NKAIN2: variants seen among roughly 807,000 people sequenced by gnomAD.
The protein encoded by NKAIN2 is sodium/potassium transporting ATPase interacting 2.
NKAIN2 carries 14 observed loss-of-function variants against 32.6 expected under a neutral mutation model. That is an observed-to-expected ratio of 0.43 (90% CI 0.28 to 0.67). The LOEUF (loss-of-function observed/expected upper bound fraction) is 0.67. Ranked by LOEUF, NKAIN2 falls within the 30% of genes least tolerant of loss-of-function variation. The probability of loss-of-function intolerance (pLI) is 0.17; values close to 1 mark genes in which losing one functional copy is unlikely to be tolerated. For missense variants in NKAIN2, 198 were observed against 258.3 expected, an observed-to-expected ratio of 0.77 and a Z score of 1.60; for synonymous variants, 80 against 87.2, an observed-to-expected ratio of 0.92 and a Z score of 0.46.
chr6:124,778,375 A>G (rs533007405), intron 4 of NKAIN2, among the ~76,000 whole-genome samples: 1 of 151,686 alleles, frequency 6.6e-6, no homozygotes, highest in South Asian at 2.1e-4. Flanking sequence ...AAAGCCCTGC[A>G]TAGGGGACAA....
intron 3 of NKAIN2, among the ~76,000 whole-genome samples, chr6:124,455,968 A>C (rs903044214): frequency 3.3e-5 from 5 of 151,764 alleles, no homozygotes; most frequent in African/African-American, 9.7e-5. Context: ...AGGAGTCACT[A>C]TTTTTTTCAG....
At chr6:123,821,170 G>T (rs1456889105) in intron 1 of NKAIN2, among the ~76,000 whole-genome samples, 1 of 152,234 alleles carries the variant, frequency 6.6e-6, no homozygotes, top group African/African-American at 2.4e-5. Context: ...TATAAAAAAC[G>T]CTGACCTGAA....
chr6:123,874,751 AAT>A (rs1225057635), intron 1 of NKAIN2, among the ~76,000 whole-genome samples: 2 of 152,178 alleles, frequency 1.3e-5, no homozygotes, highest in Non-Finnish European at 2.9e-5. Context: ...TGATTATAAA[AAT>A]ATGTCTATTG....
At chr6:124,599,841 G>C (rs1289234042) in intron 3 of NKAIN2, among the ~76,000 whole-genome samples, 1 of 152,058 alleles carries the variant, frequency 6.6e-6, no homozygotes, top group Non-Finnish European at 1.5e-5. Context: ...TGACATCCCT[G>C]GGGTATGATG....
chr6:124,743,498 T>A (rs1419857485), intron 4 of NKAIN2, among the ~76,000 whole-genome samples: 1 of 151,846 alleles, frequency 6.6e-6, no homozygotes, highest in Non-Finnish European at 1.5e-5. Flanking sequence ...AGCTTTGGTC[T>A]TTGTCAATGA....
intron 1 of NKAIN2, among the ~76,000 whole-genome samples, chr6:124,022,999 T>A (rs1209224593): frequency 6.6e-6 from 1 of 151,906 alleles, no homozygotes. Flanking sequence ...AGTTCTAAAC[T>A]TTTCGGTTAA....
chr6:124,757,516 G>A (rs1778021928), intron 4 of NKAIN2, among the ~76,000 whole-genome samples: 1 of 152,086 alleles, frequency 6.6e-6, no homozygotes, highest in Non-Finnish European at 1.5e-5. Flanking sequence ...CTGCACTTAT[G>A]AAGTTGTGGT....
intron 1 of NKAIN2, among the ~76,000 whole-genome samples, chr6:123,855,390 T>A (rs1353860293): frequency 6.6e-6 from 1 of 152,216 alleles, no homozygotes; most frequent in African/African-American, 2.4e-5. Flanking sequence ...TTCCCACTGA[T>A]TCCGGAAACT....
chr6:124,822,992 A>G (rs942340447), intron 6 of NKAIN2, among the ~76,000 whole-genome samples: 32 of 152,206 alleles, frequency 2.1e-4, no homozygotes, highest in Admixed American at 2.0e-3. Context: ...TATTCATTTC[A>G]GTTGTCCCTG....
intron 1 of NKAIN2, among the ~76,000 whole-genome samples, chr6:124,042,419 G>A (rs542178312): frequency 6.6e-6 from 1 of 152,220 alleles, no homozygotes; most frequent in East Asian, 1.9e-4. Flanking sequence ...GGTCCAGCCA[G>A]TAGCTGCCAA....
intron 4 of NKAIN2, among the ~76,000 whole-genome samples, chr6:124,692,031 G>A (rs1289402490): frequency 5.3e-5 from 8 of 151,998 alleles, no homozygotes; most frequent in Non-Finnish European, 1.2e-4. Context: ...TGCGATATTC[G>A]AATAAAACTG....
intron 4 of NKAIN2, among the ~76,000 whole-genome samples, chr6:124,674,379 T>C (rs1314646541): frequency 1.3e-5 from 2 of 152,156 alleles, no homozygotes; most frequent in Admixed American, 1.3e-4. Context: ...AGAATATTTT[T>C]TCTATTTCTG....
chr6:124,218,295 AAAT>A (rs1172433496), intron 1 of NKAIN2, among the ~76,000 whole-genome samples: 1 of 152,188 alleles, frequency 6.6e-6, no homozygotes, highest in Non-Finnish European at 1.5e-5. Context: ...TTTTTAATGA[AAAT>A]AAAAAATAAA....
At chr6:124,613,125 A>C (rs1325240009) in intron 3 of NKAIN2, among the ~76,000 whole-genome samples, 2 of 152,138 alleles carry the variant, frequency 1.3e-5, no homozygotes, top group Non-Finnish European at 2.9e-5. Flanking sequence ...GAATAGAAAA[A>C]GAAGAGTTTG....
intron 1 of NKAIN2, among the ~76,000 whole-genome samples, chr6:124,009,086 C>T (rs1167338652): frequency 6.6e-6 from 1 of 152,154 alleles, no homozygotes; most frequent in Admixed American, 6.5e-5. Flanking sequence ...TAACACTGAT[C>T]ACCATAAATT....
At position 124,467,024 on chromosome 6, in the gene NKAIN2, G is replaced by A. The variant is rs192167964; in HGVS notation, c.273+111677G>A. Among the ~76,000 whole-genome samples the A allele has an allele frequency of 1.6e-3, 243 of 152,104 alleles. 2 individuals are homozygous for A. Among genetic ancestry groups the A allele is most frequent in the South Asian group, 0.014 (66 of 4,814 alleles). Reference sequence around the variant, plus strand: ...AATGAGAAGACTTGTTGAAGTAACCGTAGGATAGGCTGCTTGTATGATAAT... The same window carrying A: ...AATGAGAAGACTTGTTGAAGTAACCATAGGATAGGCTGCTTGTATGATAAT... On this transcript the variant is annotated intron_variant, in intron 3 of 6. Coordinates refer to ENST00000368417, the MANE Select transcript of NKAIN2 (RefSeq NM_001040214.3).
intron 1 of NKAIN2, among the ~76,000 whole-genome samples, chr6:124,279,738 G>C (rs1006219539): frequency 1.3e-5 from 2 of 151,802 alleles, no homozygotes; most frequent in Non-Finnish European, 2.9e-5. Context: ...ATCCCAAGTA[G>C]GGATTTTACT....
At chr6:124,192,094 C>A (rs1298274625) in intron 1 of NKAIN2, among the ~76,000 whole-genome samples, 2 of 152,008 alleles carry the variant, frequency 1.3e-5, no homozygotes, top group African/African-American at 4.8e-5. Flanking sequence ...TTTTCTATTT[C>A]ATTTATTTCT....
intron 3 of NKAIN2, among the ~76,000 whole-genome samples, chr6:124,612,273 G>GA (rs915441275): frequency 1.3e-5 from 2 of 151,620 alleles, no homozygotes; most frequent in Non-Finnish European, 2.9e-5. Context: ...CTGCTAGGGG[G>GA]AAAAAAAGCA....
Sources: gnomAD v4.1 joint callset for allele counts (sites outside exome capture counted in the v4.1 genomes callset) on GRCh38, gnomAD v4.1.1 for gene constraint, MANE v1.5 for transcripts, NCBI Gene and HGNC (gene_info 2026-07-23, HGNC 2026-07-21) for gene names.